RBFOX1: variants seen among roughly 807,000 people sequenced by gnomAD.
The protein encoded by RBFOX1 is RNA binding protein fox-1 homolog 1.
A neutral mutation model predicts 57.7 loss-of-function variants in RBFOX1; 8 were observed. That is an observed-to-expected ratio of 0.14 (90% CI 0.08 to 0.25). RBFOX1 has a LOEUF of 0.25. RBFOX1 is among the 10% of genes least tolerant of loss of function. RBFOX1 has a pLI of 1.00. For missense variants in RBFOX1, 611 were observed against 548.5 expected, an observed-to-expected ratio of 1.11 and a Z score of -1.14; for synonymous variants, 326 against 222.4, an observed-to-expected ratio of 1.47 and a Z score of -4.15.
At chr16:6,707,638 C>G (rs2062997252) in intron 3 of RBFOX1, among the ~76,000 whole-genome samples, 1 of 151,996 alleles carries the variant, frequency 6.6e-6, no homozygotes. Flanking sequence ...GGATGAACTG[C>G]CGTCTCCAGA....
chr16:7,005,857 C>G (rs980593618), intron 3 of RBFOX1, among the ~76,000 whole-genome samples: 2 of 152,176 alleles, frequency 1.3e-5, no homozygotes, highest in Admixed American at 6.5e-5. Flanking sequence ...TTTCGCTTCA[C>G]TAAATTCTTC....
At chr16:6,217,551 C>A (rs2097343869) in intron 1 of RBFOX1, among the ~76,000 whole-genome samples, 1 of 152,148 alleles carries the variant, frequency 6.6e-6, no homozygotes, top group Non-Finnish European at 1.5e-5. Context: ...TCCTTTGCAT[C>A]CAGAAGAAGA....
chr16:5,907,425 G>A (rs1180332885), intron 4 of RBFOX1, among the ~76,000 whole-genome samples: 3 of 151,932 alleles, frequency 2.0e-5, no homozygotes, highest in Admixed American at 1.3e-4. Context: ...TTCAGAGCAC[G>A]TTGCACCTTT....
chr16:7,555,876 A>T (rs781779042), intron 5 of RBFOX1, among the ~76,000 whole-genome samples: 1 of 152,034 alleles, frequency 6.6e-6, no homozygotes, highest in Non-Finnish European at 1.5e-5. Context: ...TGCTTCCAAC[A>T]TGCTCTGCAA....
intron 3 of RBFOX1, among the ~76,000 whole-genome samples, chr16:5,650,428 C>T (rs1056927167): frequency 6.6e-6 from 1 of 152,176 alleles, no homozygotes; most frequent in Non-Finnish European, 1.5e-5. Flanking sequence ...GAGAGGCAAC[C>T]TGGATGCCCA....
rs144028832 is a variant in RBFOX1, at chr16:5,759,182, C to G, written c.319-108121C>G. On this transcript the variant is annotated intron_variant, in intron 3 of 19. Transcript: ENST00000641259. ...GGGGTTCATTAGCCTAACTTCCTAT[C>G]CACGAAGGCAAGGTTCAGTTTAGAA... 3.2e-3 allele frequency among the ~76,000 whole-genome samples: 481 copies of G among 152,304 alleles called. 4 individuals are homozygous for G. Among genetic ancestry groups the G allele is most frequent in the Middle Eastern group, 0.017 (5 of 294 alleles).
chr16:5,950,273 C>T (rs745406628), intron 4 of RBFOX1, among the ~76,000 whole-genome samples: 1 of 152,194 alleles, frequency 6.6e-6, no homozygotes, highest in Non-Finnish European at 1.5e-5. Context: ...GGTGTCTGTG[C>T]ACCTGCCTAG....
chr16:5,737,145 C>G (rs1171087154), intron 3 of RBFOX1, among the ~76,000 whole-genome samples: 1 of 152,032 alleles, frequency 6.6e-6, no homozygotes, highest in Non-Finnish European at 1.5e-5. Flanking sequence ...TGCTTCATGT[C>G]AGCAATCAGT....
At chr16:7,396,876 G>C (rs1316763307) in intron 4 of RBFOX1, among the ~76,000 whole-genome samples, 1 of 152,192 alleles carries the variant, frequency 6.6e-6, no homozygotes, top group Non-Finnish European at 1.5e-5. Flanking sequence ...AGGAGACAGA[G>C]GTTGCAGTGA....
intron 4 of RBFOX1, among the ~76,000 whole-genome samples, chr16:7,339,683 G>T (rs530226096): frequency 2.0e-5 from 3 of 152,092 alleles, no homozygotes; most frequent in African/African-American, 4.8e-5. Flanking sequence ...CAGGTGATCC[G>T]CCCACTTCAG....
At chr16:5,338,701 C>T (rs72775802) in intron 1 of RBFOX1, among the ~76,000 whole-genome samples, 9,457 of 152,228 alleles carry the variant, frequency 0.062, 497 homozygotes, top group East Asian at 0.15. Context: ...ATCTATCACC[C>T]AGGCTGGAGT....
chr16:7,345,630 C>G (rs932255536), intron 4 of RBFOX1, among the ~76,000 whole-genome samples: 4 of 152,150 alleles, frequency 2.6e-5, no homozygotes, highest in Non-Finnish European at 2.9e-5. Context: ...CGAGTCCCCT[C>G]TCTGTCTACA....
At chr16:7,014,257 C>G (rs995129266) in intron 3 of RBFOX1, among the ~76,000 whole-genome samples, 1 of 152,026 alleles carries the variant, frequency 6.6e-6, no homozygotes, top group African/African-American at 2.4e-5. Context: ...GTCGCCCAGG[C>G]TGGAGTGTGC....
chr16:6,835,334 A>G (rs1387833163), intron 3 of RBFOX1, among the ~76,000 whole-genome samples: 1 of 152,180 alleles, frequency 6.6e-6, no homozygotes, highest in Admixed American at 6.5e-5. Context: ...TCATATAGGC[A>G]TAGACTCCTT....
At chr16:5,833,339 A>G (rs992954730) in intron 3 of RBFOX1, among the ~76,000 whole-genome samples, 3 of 151,958 alleles carry the variant, frequency 2.0e-5, no homozygotes, top group African/African-American at 7.3e-5. Flanking sequence ...TAAAAATATA[A>G]AAAGAATTAG....
chr16:7,034,962 C>T (rs368450757), intron 3 of RBFOX1, among the ~76,000 whole-genome samples: 24 of 147,772 alleles, frequency 1.6e-4, no homozygotes, highest in African/African-American at 6.0e-4. Context: ...GATTCTCATT[C>T]CTCAGCCTCT....
At chr16:7,064,905 T>G (rs898705863) in intron 4 of RBFOX1, among the ~76,000 whole-genome samples, 3 of 152,218 alleles carry the variant, frequency 2.0e-5, no homozygotes, top group Non-Finnish European at 1.5e-5. Context: ...TCCCTCTGTA[T>G]GTGCATTTTC....
chr16:5,723,822 C>T (rs1192914523), intron 3 of RBFOX1, among the ~76,000 whole-genome samples: 2 of 152,210 alleles, frequency 1.3e-5, no homozygotes, highest in African/African-American at 4.8e-5. Context: ...CTGCCCTAGT[C>T]AGAAATCTGT....
chr16:7,188,392 T>G (rs2084448236), intron 4 of RBFOX1, among the ~76,000 whole-genome samples: 2 of 152,224 alleles, frequency 1.3e-5, no homozygotes, highest in South Asian at 4.1e-4. Context: ...ATGAAAAACC[T>G]AGAGTTAAAA....
Sources: gnomAD v4.1 joint callset for allele counts (sites outside exome capture counted in the v4.1 genomes callset) on GRCh38, gnomAD v4.1.1 for gene constraint, MANE v1.5 for transcripts, NCBI Gene and HGNC (gene_info 2026-07-23, HGNC 2026-07-21) for gene names.